Variants in RASEF observed in about 807,000 individuals in gnomAD.
RASEF encodes ras and EF-hand domain-containing protein.
RASEF carries 68 observed loss-of-function variants against 90.1 expected under a neutral mutation model. The observed-to-expected ratio is 0.75, with a 90% confidence interval of 0.62 to 0.92. The LOEUF (loss-of-function observed/expected upper bound fraction) is 0.92, where lower values mean the gene tolerates loss of function less well. Ranked by LOEUF, RASEF falls within the 40% of genes least tolerant of loss-of-function variation. The probability of loss-of-function intolerance (pLI) is 0.00; values close to 1 mark genes in which losing one functional copy is unlikely to be tolerated. For synonymous variants in RASEF, 331 were observed against 345.2 expected (o/e 0.96, Z 0.46); for missense variants, 949 against 937.2 (o/e 1.01, Z -0.16).
rs1363809458 is a variant in RASEF at position 83,056,668 on chromosome 9, T to C, written c.431+5769A>G. 1.3e-5 allele frequency among the ~76,000 whole-genome samples: 2 copies of C among 152,228 alleles called. 1 individual carries two copies. The highest frequency in any genetic ancestry group is 2.9e-5 in the Non-Finnish European group (2 of 68,040). On this transcript the variant is annotated intron_variant, in intron 1 of 16. Transcript: ENST00000376447. ...AAGAGATAGGGGTAGTGTAACTGAA[T>C]TTAACAGTAGTTTTGGAGAAGAATA...
chr9:83,041,166 G>A (rs569648001), intron 1 of RASEF, among the ~76,000 whole-genome samples: 1 of 152,290 alleles, frequency 6.6e-6, no homozygotes, highest in African/African-American at 2.4e-5. Context: ...CGGTGCTCTG[G>A]CCTTTTTAAA....
At chr9:83,196,525 G>A in the RASEF span, among the ~76,000 whole-genome samples, 14 of 152,082 alleles carry the variant, frequency 9.2e-5, no homozygotes, top group South Asian at 2.1e-4. Context: ...GGTCACTACC[G>A]GGCCCCTTGA....
the RASEF span, among the ~76,000 whole-genome samples, chr9:83,084,600 T>G: frequency 6.6e-6 from 1 of 152,268 alleles, no homozygotes; most frequent in East Asian, 1.9e-4. Flanking sequence ...CATAAACTGT[T>G]AAAAAATATA....
At chr9:83,156,674 C>T in the RASEF span, among the ~76,000 whole-genome samples, 3 of 152,326 alleles carry the variant, frequency 2.0e-5, no homozygotes, top group African/African-American at 7.2e-5. Flanking sequence ...TCATCCATCC[C>T]AGTTTATCCA....
At chr9:83,116,178 T>G in the RASEF span, among the ~76,000 whole-genome samples, 7 of 152,202 alleles carry the variant, frequency 4.6e-5, no homozygotes, top group Non-Finnish European at 7.3e-5. Context: ...TCAAGATAAT[T>G]TGGAGAAACC....
chr9:83,190,318 A>AT, the RASEF span, among the ~76,000 whole-genome samples: 7 of 151,788 alleles, frequency 4.6e-5, no homozygotes, highest in Non-Finnish European at 7.4e-5. Context: ...ACACTATATG[A>AT]TTTTTTTTTA....
At chr9:83,121,239 TTAA>T in the RASEF span, among the ~76,000 whole-genome samples, 1 of 152,178 alleles carries the variant, frequency 6.6e-6, no homozygotes, top group Non-Finnish European at 1.5e-5. Flanking sequence ...ATATTTCACA[TTAA>T]TAATACACAC....
the RASEF span, among the ~76,000 whole-genome samples, chr9:83,185,007 G>A: frequency 6.6e-6 from 1 of 152,050 alleles, no homozygotes; most frequent in Non-Finnish European, 1.5e-5. Flanking sequence ...ATCCCAAACT[G>A]TGGGGTGGGG....
chr9:83,147,050 A>ATATATG, the RASEF span, among the ~76,000 whole-genome samples: 1 of 149,214 alleles, frequency 6.7e-6, no homozygotes, highest in Non-Finnish European at 1.5e-5. Context: ...GTATATATAT[A>ATATATG]TATATATATA....
At chr9:83,019,105 G>A (rs1404377253) in intron 3 of RASEF, among the ~76,000 whole-genome samples, 1 of 151,676 alleles carries the variant, frequency 6.6e-6, no homozygotes, top group Non-Finnish European at 1.5e-5. Flanking sequence ...GAAAAGTATG[G>A]TCCATGAAAA....
At chr9:83,122,659 TTTAA>T in the RASEF span, among the ~76,000 whole-genome samples, 7 of 152,152 alleles carry the variant, frequency 4.6e-5, no homozygotes, top group South Asian at 2.1e-4. Flanking sequence ...ATAAAGAGCT[TTTAA>T]TTAATTGAGA....
At chr9:83,049,529 C>CA (rs1491413147) in intron 1 of RASEF, among the ~76,000 whole-genome samples, 2 of 99,084 alleles carry the variant, frequency 2.0e-5, no homozygotes. Context: ...TTCTGCCTTC[C>CA]TTTTTTTTTT....
At chr9:83,190,729 C>T in the RASEF span, among the ~76,000 whole-genome samples, 3 of 152,130 alleles carry the variant, frequency 2.0e-5, no homozygotes, top group African/African-American at 4.8e-5. Context: ...ACATAATTGC[C>T]GATGATGTAC....
chr9:83,148,786 A>G, the RASEF span, among the ~76,000 whole-genome samples: 1 of 152,304 alleles, frequency 6.6e-6, no homozygotes, highest in Non-Finnish European at 1.5e-5. Context: ...TTTTTATACA[A>G]TCCCATGCTA....
chr9:83,086,989 G>C, the RASEF span, among the ~76,000 whole-genome samples: 1 of 152,114 alleles, frequency 6.6e-6, no homozygotes, highest in Admixed American at 6.5e-5. Context: ...GGGATCATTG[G>C]GGCCATCTTG....
upstream of RASEF, among the ~76,000 whole-genome samples, chr9:83,064,230 G>A (rs1315513630): frequency 6.6e-6 from 1 of 152,172 alleles, no homozygotes; most frequent in African/African-American, 2.4e-5. Flanking sequence ...AATAAACATG[G>A]TCAACACTAA....
chr9:83,056,541 A>C (rs1430548881), intron 1 of RASEF, among the ~76,000 whole-genome samples: 1 of 152,246 alleles, frequency 6.6e-6, no homozygotes, highest in African/African-American at 2.4e-5. Context: ...ATGGCACACT[A>C]ACCTTTCCCC....
At chr9:83,161,536 C>T in the RASEF span, among the ~76,000 whole-genome samples, 2 of 152,076 alleles carry the variant, frequency 1.3e-5, no homozygotes, top group East Asian at 1.9e-4. Flanking sequence ...TTTACATGCT[C>T]ATAGGTGGAA....
the RASEF span, among the ~76,000 whole-genome samples, chr9:83,077,252 T>C: frequency 1.3e-5 from 2 of 152,150 alleles, no homozygotes; most frequent in Non-Finnish European, 2.9e-5. Flanking sequence ...AACATTCTCT[T>C]ATCATCTACA....
Sources: gnomAD v4.1 joint callset for allele counts (sites outside exome capture counted in the v4.1 genomes callset) on GRCh38, gnomAD v4.1.1 for gene constraint, MANE v1.5 for transcripts, NCBI Gene and HGNC (gene_info 2026-07-23, HGNC 2026-07-21) for gene names.